LIMCH1: variants seen among roughly 807,000 people sequenced by gnomAD.
LIMCH1 encodes the protein LIM and calponin homology domains-containing protein 1.
A neutral mutation model predicts 176.5 loss-of-function variants in LIMCH1; 113 were observed. That is an observed-to-expected ratio of 0.64 (90% confidence interval 0.55 to 0.75). LIMCH1 has a LOEUF of 0.75. Among genes scored for constraint, LIMCH1 ranks in the 30% least tolerant of loss-of-function variants. The pLI is 0.00. For missense variants in LIMCH1, 1,674 were observed against 1,814.9 expected (o/e 0.92, Z 1.41); for synonymous variants, 619 against 645.9 (o/e 0.96, Z 0.63).
intron 29 of LIMCH1, 46 bp from the exon 30 acceptor site, chr4:41,689,481 T>C (rs1392919247): frequency 1.0e-6 from 1 of 988,204 alleles, no homozygotes; most frequent in Admixed American, 1.7e-5. Context: ...TTTGACCAGG[T>C]ATTCTAAACT....
chr4:41,463,954 G>A (rs2065747595), intron 1 of LIMCH1, among the ~76,000 whole-genome samples: 1 of 152,046 alleles, frequency 6.6e-6, no homozygotes, highest in African/African-American at 2.4e-5. Context: ...CAGGGCTCCA[G>A]CTATCTTTCC....
Position 41,619,185 on chromosome 4 carries a change from T to C in LIMCH1, c.206-3T>C, listed in dbSNP as rs1354865028. Reference sequence around the variant, plus strand: ...TTCTCAGTACCCATCCTCTCTTCCCTAGGGAGAGGAAGCGACTCTGAATCC... The same window carrying C: ...TTCTCAGTACCCATCCTCTCTTCCCCAGGGAGAGGAAGCGACTCTGAATCC... On this transcript the variant is annotated splice_region_variant and splice_polypyrimidine_tract_variant and intron_variant, in intron 5 of 31. Transcript: ENST00000503057. 1.2e-6 allele frequency: 2 copies of C among 1,613,940 alleles called. No homozygotes were observed. Among genetic ancestry groups the C allele is most frequent in the African/African-American group, 2.7e-5 (2 of 74,900 alleles).
chr4:41,477,489 C>T (rs1182704536), intron 1 of LIMCH1, among the ~76,000 whole-genome samples: 1 of 152,044 alleles, frequency 6.6e-6, no homozygotes, highest in East Asian at 1.9e-4. Context: ...GATGAAGATT[C>T]AATAAAAGAT....
At chr4:41,448,255 C>T (rs2063483164) in intron 1 of LIMCH1, among the ~76,000 whole-genome samples, 1 of 152,198 alleles carries the variant, frequency 6.6e-6, no homozygotes, top group Non-Finnish European at 1.5e-5. Context: ...AGAGCTTCAG[C>T]TTTAGGTTCG....
chr4:41,613,928 C>G (rs558716867), intron 5 of LIMCH1, among the ~76,000 whole-genome samples: 12 of 152,346 alleles, frequency 7.9e-5, no homozygotes, highest in Admixed American at 7.2e-4. Context: ...CATCATTCCT[C>G]CCTTGGACTC....
chr4:41,392,185 T>TA (rs2057327331), intron 1 of LIMCH1, among the ~76,000 whole-genome samples: 1 of 152,098 alleles, frequency 6.6e-6, no homozygotes, highest in African/African-American at 2.4e-5. Context: ...AGAAAACAGT[T>TA]AAAAAAATCT....
intron 19 of LIMCH1, among the ~76,000 whole-genome samples, 186 bp downstream of exon 19, chr4:41,661,696 G>C (rs896939520): frequency 8.5e-5 from 13 of 152,164 alleles, no homozygotes; most frequent in African/African-American, 3.1e-4. Context: ...ATGTTGCTGT[G>C]AAAATAGGAG....
Position 41,487,894 on chromosome 4 carries a change from T to C in LIMCH1, c.97-6642T>C, listed in dbSNP as rs548107925. 7.2e-4 allele frequency among the ~76,000 whole-genome samples: 107 copies of C among 149,512 alleles called. No homozygotes were observed. The East Asian group carries it at 0.02, about 28-fold the overall frequency. On this transcript the variant is annotated intron_variant, in intron 1 of 26. Coordinates refer to the LIMCH1 transcript ENST00000313860. ...GTCTCAATCTCCTGACCTCCTGATC[T>C]GCCCGCCTTGGCCTCCCAAAGTGCT... is the stretch of plus-strand genomic sequence containing the variant.
Position 41,360,852 on chromosome 4 carries a change from C to G in LIMCH1, c.12C>G (p.Pro4=). The stretch of plus-strand genomic sequence containing the variant: ...GCGGGGCTGCGCAAATGGCTTGTCC[C>G]GCTCTCGGTCTGGAAGCTCTTCAGC... Residue 4 remains proline (P), a synonymous_variant, in exon 1 of 27, where the codon CCC becomes CCG. Transcript: ENST00000313860. This position sits in a 1 kb window ranked among gnomAD's most constrained non-coding sequence, Gnocchi z 4.5. The G allele has an allele frequency of 5.1e-6, 8 of 1,565,738 alleles. No homozygotes were observed. Among genetic ancestry groups the G allele is most frequent in the Non-Finnish European group, 6.9e-6 (8 of 1,157,914 alleles).
intron 1 of LIMCH1, among the ~76,000 whole-genome samples, chr4:41,457,107 C>T (rs1369158605): frequency 4.6e-5 from 7 of 152,114 alleles, no homozygotes; most frequent in Non-Finnish European, 8.8e-5. Context: ...AGAAAATGCA[C>T]GTGTGCTCTC....
chr4:41,612,625 C>G, intron 4 of LIMCH1: 1 of 702,514 alleles, frequency 1.4e-6, no homozygotes, highest in Non-Finnish European at 2.6e-6. Flanking sequence ...TTTGACTGAC[C>G]TTTCTTCTGC....
intron 2 of LIMCH1, among the ~76,000 whole-genome samples, chr4:41,507,430 A>G (rs1034975898): frequency 6.6e-6 from 1 of 152,136 alleles, no homozygotes; most frequent in African/African-American, 2.4e-5. Context: ...GAGCCTACCA[A>G]GAGTCACCTC....
chr4:41,477,543 T>G (rs1417015928), intron 1 of LIMCH1, among the ~76,000 whole-genome samples: 1 of 151,914 alleles, frequency 6.6e-6, no homozygotes, highest in African/African-American at 2.4e-5. Context: ...CAAGCTAGAG[T>G]AGAAGAGGGT....
intron 4 of LIMCH1, among the ~76,000 whole-genome samples, 175 bp from the exon 5 acceptor site, chr4:41,613,291 G>C (rs2091682997): frequency 6.6e-6 from 1 of 151,922 alleles, no homozygotes; most frequent in Non-Finnish European, 1.5e-5. Flanking sequence ...AGCAAAGGAG[G>C]CTCCAGGAAC....
chr4:41,693,799 C>A lies in LIMCH1; in HGVS notation c.4378+1415C>A, dbSNP rs1417499059. Reference sequence around the variant, plus strand: ...ACCACAGTGAATGTAATTTATGGAACCAGAAGAGGGCACTGTTAGGTTGAA... The same window carrying A: ...ACCACAGTGAATGTAATTTATGGAAACAGAAGAGGGCACTGTTAGGTTGAA... On this transcript the variant is annotated intron_variant, in intron 31 of 31. Coordinates refer to ENST00000503057, the MANE Select transcript of LIMCH1 (RefSeq NM_001330672.2). Among the ~76,000 whole-genome samples the A allele has an allele frequency of 2.0e-5, 3 of 151,998 alleles. No individual in the cohort carries two copies. The East Asian group carries it at 5.8e-4, about 29-fold the overall frequency.
chr4:41,377,502 C>A (rs540673228), intron 1 of LIMCH1, among the ~76,000 whole-genome samples: 74 of 152,290 alleles, frequency 4.9e-4, no homozygotes, highest in African/African-American at 1.7e-3. Context: ...ACCGCAAAGT[C>A]TGTTCAGGTT....
At chr4:41,514,005 T>TAAAAAAAAAAAAAAAAAAAAAAAAAAA (rs71198665) in intron 2 of LIMCH1, among the ~76,000 whole-genome samples, 2 of 48,526 alleles carry the variant, frequency 4.1e-5, no homozygotes, top group South Asian at 1.0e-3. Context: ...GACTCCGTCT[T>TAAAAAAAAAAAAAAAAAAAAAAAAAAA]AAAAAAAAAA....
chr4:41,474,638 C>T (rs1042888004), intron 1 of LIMCH1, among the ~76,000 whole-genome samples: 1 of 152,188 alleles, frequency 6.6e-6, no homozygotes, highest in Non-Finnish European at 1.5e-5. Flanking sequence ...CACCTCACAC[C>T]TGTTAGATTG....
At chr4:41,676,327 C>T in intron 22 of LIMCH1, 55 bp from the exon 23 acceptor site, 1 of 1,436,056 alleles carries the variant, frequency 7.0e-7, no homozygotes, top group Admixed American at 1.7e-5. Context: ...CTTCACCCGG[C>T]CTGTCCCTTG....
Sources: gnomAD v4.1 joint callset for allele counts (sites outside exome capture counted in the v4.1 genomes callset) on GRCh38, gnomAD v4.1.1 for gene constraint, Gnocchi (gnomAD v3.1) non-coding constraint, MANE v1.5 for transcripts, NCBI Gene and HGNC (gene_info 2026-07-23, HGNC 2026-07-21) for gene names.